ESRRG: variants seen among roughly 807,000 people sequenced by gnomAD.
The protein encoded by ESRRG is estrogen related receptor gamma.
In ESRRG, 13 loss-of-function variants were observed where a neutral mutation model predicts 44.0. That is an observed-to-expected ratio of 0.30 (90% CI 0.19 to 0.47). The LOEUF (loss-of-function observed/expected upper bound fraction) is 0.47, where lower values mean the gene tolerates loss of function less well. Ranked by LOEUF, ESRRG falls within the 20% of genes least tolerant of loss-of-function variation. ESRRG has a pLI of 1.00. For synonymous variants in ESRRG, 215 were observed against 214.6 expected, an observed-to-expected ratio of 1.00 and a Z score of -0.02; for missense variants, 395 against 580.6, an observed-to-expected ratio of 0.68 and a Z score of 3.29.
rs11572605 is a variant in ESRRG at position 216,801,417 on chromosome 1, C to T, written c.-13-123926G>A. Among the ~76,000 whole-genome samples, 1,300 of 152,200 alleles carry T rather than the reference C, an allele frequency of 8.5e-3. 21 individuals are homozygous for T. Among genetic ancestry groups the T allele is most frequent in the African/African-American group, 0.029 (1,210 of 41,518 alleles). ...GACCTACTACTACCTACCCCATTTC[C>T]GACAACCCCCTGCCCCCTGTCCCTG... On this transcript the variant is annotated intron_variant, in intron 2 of 7. Coordinates refer to the ESRRG transcript ENST00000359162.
At chr1:217,099,608 G>A (rs868553082) in intron 1 of ESRRG, among the ~76,000 whole-genome samples, 1 of 152,124 alleles carries the variant, frequency 6.6e-6, no homozygotes, top group African/African-American at 2.4e-5. Context: ...AAATTCAGAA[G>A]ATCTCTGGTG....
chr1:216,531,701 C>T (rs1050865306), intron 5 of ESRRG, among the ~76,000 whole-genome samples: 2 of 152,034 alleles, frequency 1.3e-5, no homozygotes, highest in South Asian at 2.1e-4. Flanking sequence ...ACAAACCAAA[C>T]CTGTGCCTCT....
intron 3 of ESRRG, among the ~76,000 whole-genome samples, chr1:216,601,320 G>A (rs114072364): frequency 0.15 from 22,537 of 151,990 alleles, 2,167 homozygotes; most frequent in Non-Finnish European, 0.21. Context: ...GGGAGCCACC[G>A]CGGAGGGCGC....
At chr1:216,997,508 C>T (rs2076515217) in intron 1 of ESRRG, among the ~76,000 whole-genome samples, 1 of 152,210 alleles carries the variant, frequency 6.6e-6, no homozygotes, top group Non-Finnish European at 1.5e-5. Context: ...CATGGTTCTA[C>T]TGAGTCCCCA....
chr1:216,556,439 G>T (rs2057594411), intron 5 of ESRRG, among the ~76,000 whole-genome samples: 2 of 152,244 alleles, frequency 1.3e-5, no homozygotes, highest in South Asian at 4.2e-4. Context: ...CATAGTACAT[G>T]TAGAAATCCT....
intron 2 of ESRRG, among the ~76,000 whole-genome samples, chr1:216,879,729 T>C (rs2096413428): frequency 6.6e-6 from 1 of 152,180 alleles, no homozygotes. Flanking sequence ...AATCCCAATA[T>C]CATCCTCCCT....
chr1:217,094,947 C>A (rs746211475), intron 1 of ESRRG, among the ~76,000 whole-genome samples: 1 of 152,132 alleles, frequency 6.6e-6, no homozygotes, highest in Non-Finnish European at 1.5e-5. Flanking sequence ...AAGGCAAATT[C>A]CTTAACCAGG....
chr1:217,046,605 G>A (rs2084920034), intron 1 of ESRRG, among the ~76,000 whole-genome samples: 1 of 152,148 alleles, frequency 6.6e-6, no homozygotes, highest in South Asian at 2.1e-4. Flanking sequence ...GATAAGAATG[G>A]AGATATGGTG....
chr1:216,678,779 T>C (rs780634096), intron 1 of ESRRG, among the ~76,000 whole-genome samples: 5 of 152,130 alleles, frequency 3.3e-5, no homozygotes, highest in East Asian at 1.9e-4. Flanking sequence ...CAGTGGAAAA[T>C]TGATTTATGG....
At chr1:216,521,574 A>G (rs971159811) in intron 5 of ESRRG, among the ~76,000 whole-genome samples, 1 of 152,188 alleles carries the variant, frequency 6.6e-6, no homozygotes, top group Non-Finnish European at 1.5e-5. Context: ...GCAGATGGAC[A>G]GAGCGTGTAG....
At chr1:216,690,803 G>T (rs2078920092) in intron 1 of ESRRG, among the ~76,000 whole-genome samples, 1 of 152,076 alleles carries the variant, frequency 6.6e-6, no homozygotes, top group African/African-American at 2.4e-5. Flanking sequence ...AGGACTCCCA[G>T]AATTACAGGC....
At chr1:216,636,416 T>C (rs192967504) in intron 3 of ESRRG, among the ~76,000 whole-genome samples, 1 of 152,280 alleles carries the variant, frequency 6.6e-6, no homozygotes, top group East Asian at 1.9e-4. Context: ...AAGAATAAGG[T>C]ATGCCTTAGC....
intron 3 of ESRRG, among the ~76,000 whole-genome samples, chr1:216,607,318 A>T (rs1446309550): frequency 6.6e-6 from 1 of 152,122 alleles, no homozygotes; most frequent in Non-Finnish European, 1.5e-5. Flanking sequence ...GACCATCATG[A>T]CCTCTCTGTC....
At chr1:216,588,768 T>C (rs2057128373) in intron 3 of ESRRG, among the ~76,000 whole-genome samples, 1 of 152,118 alleles carries the variant, frequency 6.6e-6, no homozygotes, top group Non-Finnish European at 1.5e-5. Flanking sequence ...AAACAAATTT[T>C]TTAATAAGAA....
intron 2 of ESRRG, among the ~76,000 whole-genome samples, chr1:216,875,516 A>G (rs796952880): frequency 1.5e-4 from 23 of 152,262 alleles, no homozygotes; most frequent in African/African-American, 5.1e-4. Flanking sequence ...AACGCATGTT[A>G]TATGTTTAGC....
intron 1 of ESRRG, among the ~76,000 whole-genome samples, chr1:217,051,712 C>T (rs2086072739): frequency 6.6e-6 from 1 of 152,126 alleles, no homozygotes; most frequent in Non-Finnish European, 1.5e-5. Context: ...AGATGAATGG[C>T]CATATGCAAA....
intron 1 of ESRRG, among the ~76,000 whole-genome samples, chr1:216,704,827 T>C (rs1330049211): frequency 6.6e-6 from 1 of 152,158 alleles, no homozygotes; most frequent in East Asian, 1.9e-4. Context: ...TGATACTGTG[T>C]TCTGAATGAT....
At chr1:216,597,184 C>A (rs936268521) in intron 3 of ESRRG, among the ~76,000 whole-genome samples, 2 of 152,122 alleles carry the variant, frequency 1.3e-5, no homozygotes, top group Non-Finnish European at 1.5e-5. Context: ...GTACAATGTG[C>A]TTATTACGCA....
chr1:216,943,897 C>A (rs1333329314), intron 1 of ESRRG, among the ~76,000 whole-genome samples: 1 of 152,070 alleles, frequency 6.6e-6, no homozygotes, highest in Admixed American at 6.6e-5. Context: ...ACAGGATATA[C>A]AAGCAAGCTA....
Sources: gnomAD v4.1 joint callset for allele counts (sites outside exome capture counted in the v4.1 genomes callset) on GRCh38, gnomAD v4.1.1 for gene constraint, MANE v1.5 for transcripts, NCBI Gene and HGNC (gene_info 2026-07-23, HGNC 2026-07-21) for gene names.